The following NLRC3 variants were observed in gnomAD, a reference collection of about 807,000 sequenced individuals.
NLRC3 encodes NLR family CARD domain-containing protein 3.
NLRC3 carries 87 observed loss-of-function variants against 91.6 expected under a neutral mutation model. The ratio of observed to expected loss-of-function variants is 0.95; its 90% CI spans 0.80 to 1.14. NLRC3 has a LOEUF of 1.14. Among genes scored for constraint, NLRC3 ranks in the 50% most tolerant of loss-of-function variants. The probability of loss-of-function intolerance (pLI) is 0.00; values close to 1 mark genes in which losing one functional copy is unlikely to be tolerated. For synonymous variants in NLRC3, 694 were observed against 625.3 expected, an observed-to-expected ratio of 1.11 and a Z score of -1.64; for missense variants, 1,577 against 1,418.6, an observed-to-expected ratio of 1.11 and a Z score of -1.79.
chr16:3,561,878 C>T, intron 5 of NLRC3, 90 bp from the exon 6 acceptor site: 2 of 859,836 alleles, frequency 2.3e-6, no homozygotes, highest in South Asian at 2.7e-5. Flanking sequence ...CTCTCCATCC[C>T]ATGCAGCGCT....
Position 3,561,739 on chromosome 16 carries a change from C to T in NLRC3, c.1978G>A (p.Val660Met), listed in dbSNP as rs377055044. The change falls in exon 6 of 20, where the codon GTG becomes ATG. Residue 660 changes from valine to methionine, a missense_variant. Val to Met is a conservative substitution (Grantham distance 21). Coordinates refer to ENST00000359128, the MANE Select transcript of NLRC3 (RefSeq NM_178844.4). ...QDPVMELLGS[V>M]LSGKDCRIQK... ...ATGCGACAGTCCTTCCCACTCAGCA[C>T]GCTGCCCAGCAGCTCCATCACGGGG... 9.9e-6 allele frequency: 16 copies of T among 1,613,476 alleles called. No homozygotes were observed. Among genetic ancestry groups the T allele is most frequent in the Admixed American group, 3.3e-5 (2 of 60,008 alleles).
Position 3,548,725 on chromosome 16 carries a change from C to T in NLRC3, c.2632G>A (p.Gly878Ser). The change falls in exon 14 of 20, where the codon GGT (glycine) becomes AGT (serine). Residue 878 changes from glycine to serine, a missense_variant. Gly to Ser is a moderately conservative substitution (Grantham distance 56). Coordinates refer to ENST00000359128, the MANE Select transcript of NLRC3 (RefSeq NM_178844.4). The stretch of plus-strand genomic sequence containing the variant: ...ACTGCCACTGCGATGGCCCGGGCAC[C>T]CTGGTCGTGGAGGAGGTTGGCTGTC... ...DLTANLLHDQGARAIAVAVRE... is the reference protein window; with the variant it reads ...DLTANLLHDQSARAIAVAVRE... The T allele has an allele frequency of 6.2e-7, 1 of 1,604,842 alleles. No homozygotes were observed. Among genetic ancestry groups the T allele is most frequent in the Non-Finnish European group, 8.5e-7 (1 of 1,176,030 alleles).
At chr16:3,547,055 G>T (rs555840959) in intron 15 of NLRC3, among the ~76,000 whole-genome samples, 1 of 152,288 alleles carries the variant, frequency 6.6e-6, no homozygotes, top group South Asian at 2.1e-4. Context: ...GGTATATCCA[G>T]CCAGGAGAAG....
chr16:3,551,087 T>A (rs60070160), intron 10 of NLRC3, among the ~76,000 whole-genome samples: 2,796 of 150,742 alleles, frequency 0.019, 93 homozygotes, highest in African/African-American at 0.061. Flanking sequence ...TTAGCTATCA[T>A]TTCGTCTGTC....
At chr16:3,548,085 C>A (rs774592396) in intron 15 of NLRC3, 50 bp downstream of exon 15, 1 of 1,300,206 alleles carries the variant, frequency 7.7e-7, no homozygotes, top group Non-Finnish European at 1.1e-6. Context: ...TTTCAGATTC[C>A]CCTGTCCTCA....
chr16:3,572,732 G>T (rs1278947965), intron 1 of NLRC3, among the ~76,000 whole-genome samples: 5 of 152,034 alleles, frequency 3.3e-5, no homozygotes, highest in African/African-American at 1.2e-4. Context: ...AAATATGTGG[G>T]CCAGGCGCGG....
In NLRC3 at chr16:3,563,991, C is replaced by T. The variant is rs767345093; in HGVS notation, c.946G>A (p.Val316Met). The change falls in exon 5 of 20, where the codon GTG (valine) becomes ATG (methionine). Residue 316 changes from valine (V) to methionine (M), a missense_variant. By Grantham distance (21) the Val-to-Met change is conservative. Coordinates refer to ENST00000359128, the MANE Select transcript of NLRC3 (RefSeq NM_178844.4). ...AGGTACAGGGCCCTGTCAGCCTGCA[C>T]TTGGCTCAGCATCCAGCCCAGAAGG... ...QALLGWMLSQ[V>M]QADRALYLMC... is the part of the protein sequence containing the mutation. 1.0e-5 allele frequency: 16 copies of T among 1,606,880 alleles called. No homozygotes were observed. Among genetic ancestry groups the T allele is most frequent in the African/African-American group, 2.7e-5 (2 of 74,948 alleles).
chr16:3,563,352 G>A lies in NLRC3; in HGVS notation c.1585C>T (p.Leu529=). ...CCTTGGGCCAGCAGGGAGCCGGCCA[G>A]GAGGGCATTGACCCTCGGAGACAAG... is the stretch of plus-strand genomic sequence containing the variant. The part of the protein sequence containing the change: ...GLLSPRVNAL[L]AGSLLAQGEH... Residue 529 remains leucine (L), a synonymous_variant, in exon 5 of 20, where the codon CTG becomes TTG. Transcript: ENST00000359128. The A allele has an allele frequency of 6.3e-7, 1 of 1,590,612 alleles. No individual in the cohort carries two copies. The highest frequency in any genetic ancestry group is 1.1e-5 in the South Asian group (1 of 87,486).
intron 3 of NLRC3, 36 bp from the exon 4 acceptor site, chr16:3,565,096 G>T (rs749282265): frequency 6.6e-7 from 1 of 1,522,376 alleles, no homozygotes. Flanking sequence ...TGCCTGCCGT[G>T]CCCCCCATCC....
chr16:3,561,606 C>A, intron 6 of NLRC3, 96 bp downstream of exon 6: 1 of 809,112 alleles, frequency 1.2e-6, no homozygotes, highest in Middle Eastern at 2.5e-4. Flanking sequence ...TTCTCCGTGG[C>A]AGCGCCGCTG....
rs774034041 is a variant in NLRC3 at position 3,564,350 on chromosome 16, G to A, written c.587C>T (p.Ser196Leu). 2.4e-5 allele frequency: 39 copies of A among 1,611,868 alleles called. No homozygotes were observed. The highest frequency in any genetic ancestry group is 6.7e-5 in the Admixed American group (4 of 59,938). ...GGGCTCCCCGACGTGCGGGAAGACCGAGCAGATGAGTCGGTCGGCACACAG... is the reference window on the plus strand; with the variant it reads ...GGGCTCCCCGACGTGCGGGAAGACCAAGCAGATGAGTCGGTCGGCACACAG... ...EKLCADRLIC[S>L]VFPHVGEPSL... Residue 196 changes from serine (S) to leucine (L), a missense_variant, in exon 5 of 20, where the codon TCG (serine) becomes TTG (leucine). Physicochemically the swap from Ser to Leu is moderately radical, Grantham distance 145. Coordinates refer to ENST00000359128, the MANE Select transcript of NLRC3 (RefSeq NM_178844.4). This position sits in a 1 kb window ranked among gnomAD's most constrained non-coding sequence, Gnocchi z 5.9.
intron 1 of NLRC3, among the ~76,000 whole-genome samples, chr16:3,573,747 C>G (rs1416920574): frequency 6.6e-6 from 1 of 152,140 alleles, no homozygotes; most frequent in Non-Finnish European, 1.5e-5. Flanking sequence ...TGGTAAAATA[C>G]ACATAACACA....
In NLRC3 at chr16:3,544,190, G is replaced by A. The variant is rs542109184; in HGVS notation, c.2855+56C>T. On this transcript the variant is annotated intron_variant, in intron 16 of 19. Transcript: ENST00000359128. ...AAAAAAAAAAAAAAAGACCTCTAACGTGAAAGGATGGCGAAGGGACCGGTT... is the reference window on the plus strand; with the variant it reads ...AAAAAAAAAAAAAAAGACCTCTAACATGAAAGGATGGCGAAGGGACCGGTT... 47 of 1,008,516 alleles carry A rather than the reference G, an allele frequency of 4.7e-5. 1 individual carries two copies. Among genetic ancestry groups the A allele is most frequent in the Admixed American group, 1.7e-4 (9 of 51,962 alleles). 62.5% of individuals were successfully genotyped at this position (1,008,516 alleles called of 1,614,324 possible).
intron 7 of NLRC3, 94 bp downstream of exon 7, chr16:3,557,499 A>G (rs2039399572): frequency 5.5e-6 from 4 of 730,618 alleles, no homozygotes; most frequent in Non-Finnish European, 9.6e-6. Flanking sequence ...GGTAAGACCC[A>G]AGTCATTTCC....
Position 3,563,419 on chromosome 16 carries a change from C to G in NLRC3, c.1518G>C (p.Glu506Asp). The change falls in exon 5 of 20, where the codon GAG becomes GAC. Residue 506 changes from glutamate to aspartate, a missense_variant. Transcript: ENST00000359128. ...RSAAQRAMQA[E>D]DGRLDVFLRF... ...GCAGGAACACGTCCAGCCTCCCGTC[C>G]TCTGCCTGCATGGCCCGCTGGGCTG... 6.3e-7 allele frequency: 1 copy of G among 1,576,148 alleles called. No homozygotes were observed. Among genetic ancestry groups the G allele is most frequent in the African/African-American group, 1.3e-5 (1 of 74,188 alleles).
chr16:3,542,132 AG>A, intron 19 of NLRC3, 58 bp downstream of exon 19: 1 of 1,247,638 alleles, frequency 8.0e-7, no homozygotes. Context: ...ACTGGGCAAA[AG>A]GCAGTGCGCC....
chr16:3,565,634 G>A (rs191763099), intron 2 of NLRC3, among the ~76,000 whole-genome samples: 24 of 152,116 alleles, frequency 1.6e-4, no homozygotes, highest in Non-Finnish European at 2.8e-4. Context: ...GGGGTGAATC[G>A]GTGGAACACA....
chr16:3,542,758 A>G lies in NLRC3; in HGVS notation c.2957T>C (p.Ile986Thr), dbSNP rs368798365. The change falls in exon 18 of 20, where the codon ATT becomes ACT. Residue 986 changes from isoleucine (I) to threonine (T), a missense_variant. Transcript: ENST00000359128. ...CAGGGCTTTGGCTCCAGCCACCCCA[A>G]TGGCATTTCCTCTTAAGCTGTTGGG... is the stretch of plus-strand genomic sequence containing the variant. ...LEILDLRGNA[I>T]GVAGAKALAN... 1.2e-4 allele frequency: 188 copies of G among 1,607,956 alleles called. 1 individual carries two copies. The East Asian group carries it at 3.7e-3, about 31-fold the overall frequency.
At chr16:3,549,880 T>G in intron 11 of NLRC3, 100 bp from the exon 12 acceptor site, 1 of 746,766 alleles carries the variant, frequency 1.3e-6, no homozygotes, top group Non-Finnish European at 2.2e-6. Context: ...CAACAGGGAG[T>G]TGGGGGCTCC....
Sources: gnomAD v4.1 joint callset for allele counts (sites outside exome capture counted in the v4.1 genomes callset) on GRCh38, gnomAD v4.1.1 for gene constraint, Gnocchi (gnomAD v3.1) non-coding constraint, MANE v1.5 for transcripts, NCBI Gene and HGNC (gene_info 2026-07-23, HGNC 2026-07-21) for gene names.